The following ZBTB47 variants were observed in gnomAD, a reference collection of about 807,000 sequenced individuals.
ZBTB47 encodes the protein zinc finger and BTB domain containing 47.
Under a neutral mutation model 56.6 loss-of-function variants are expected in ZBTB47, and 24 were observed. The observed-to-expected ratio is 0.42, with a 90% CI of 0.31 to 0.60. The LOEUF is 0.60. Among genes scored for constraint, ZBTB47 ranks in the 20% least tolerant of loss-of-function variants. ZBTB47 has a pLI of 0.14. For missense variants in ZBTB47, 829 were observed against 1,032.6 expected, an observed-to-expected ratio of 0.80 and a Z score of 2.70; for synonymous variants, 414 against 418.9, an observed-to-expected ratio of 0.99 and a Z score of 0.14.
In ZBTB47 at chr3:42,663,848, A is replaced by G; in HGVS notation, c.1789A>G (p.Ile597Val). 1 of 1,613,756 alleles carries G rather than the reference A, an allele frequency of 6.2e-7. No homozygotes were observed. Among genetic ancestry groups the G allele is most frequent in the Non-Finnish European group, 8.5e-7 (1 of 1,179,842 alleles). ...YKYQLRSHMS[I>V]HIGHKQFMCQ... The stretch of plus-strand genomic sequence containing the variant: ...GTACCAGCTGCGGTCACACATGAGC[A>G]TCCACATTGGCCACAAGCAGTTCAT... The change falls in exon 5 of 6, where the codon ATC (isoleucine) becomes GTC (valine). Residue 597 changes from isoleucine (I) to valine (V), a missense_variant. Around this residue, in one of 6 missense-constraint regions of ZBTB47, gnomAD observed 187 missense variants for 253.1 expected, o/e 0.74. Coordinates refer to ENST00000232974, the MANE Select transcript of ZBTB47 (RefSeq NM_145166.4). The surrounding 1 kb of genome is among the most constrained non-coding windows in gnomAD (Gnocchi z 5.1).
chr3:42,659,194 A>G lies in ZBTB47; in HGVS notation c.839A>G (p.Glu280Gly). 1 of 1,525,008 alleles carries G rather than the reference A, an allele frequency of 6.6e-7. No homozygotes were observed. The highest frequency in any genetic ancestry group is 2.4e-5 in the East Asian group (1 of 40,818). The allele number at this position is 1,525,008 out of a possible 1,614,324, so 94.5% of individuals were successfully genotyped here. A position where few individuals can be genotyped will look rare whatever the true frequency, so the allele number is the denominator to read the frequency against. ...DGLQRHSDEE[E>G]EDDEEEEEEE... is the part of the protein sequence containing the mutation. ...CTGCAGAGACACTCGGACGAGGAGGAGGAGGACGACGAGGAGGAGGAGGAG... is the reference window on the plus strand; with the variant it reads ...CTGCAGAGACACTCGGACGAGGAGGGGGAGGACGACGAGGAGGAGGAGGAG... Residue 280 changes from glutamate (E) to glycine (G), a missense_variant, in exon 2 of 6, where the codon GAG becomes GGG. Around this residue, in one of 6 missense-constraint regions of ZBTB47, gnomAD observed 359 missense variants for 359.8 expected, o/e 1.00. Coordinates refer to ENST00000232974, the MANE Select transcript of ZBTB47 (RefSeq NM_145166.4).
chr3:42,654,949 G>T lies in ZBTB47; in HGVS notation c.-82+1066G>T, dbSNP rs13069486. Among the ~76,000 whole-genome samples the T allele has an allele frequency of 1.3e-5, 2 of 152,088 alleles. No individual in the cohort carries two copies. Among genetic ancestry groups the T allele is most frequent in the Admixed American group, 6.5e-5 (1 of 15,280 alleles). On this transcript the variant is annotated intron_variant, in intron 1 of 5. Transcript: ENST00000232974. This position sits in a 1 kb window ranked among gnomAD's most constrained non-coding sequence, Gnocchi z 5.0. ...TGAGGTCTTGCTAGGCACCGGCGAAGGGGGGCGCTCCCCTGCGCCCGGACG... is the reference window on the plus strand; with the variant it reads ...TGAGGTCTTGCTAGGCACCGGCGAATGGGGGCGCTCCCCTGCGCCCGGACG...
upstream of ZBTB47, among the ~76,000 whole-genome samples, chr3:42,653,341 T>A (rs1419514167): frequency 1.3e-5 from 2 of 152,214 alleles, no homozygotes; most frequent in Non-Finnish European, 2.9e-5. Context: ...CAGGAGATAC[T>A]GCTGCAGCTG....
chr3:42,664,475 G>T lies in ZBTB47; in HGVS notation c.2121G>T (p.Ala707=), dbSNP rs747609288. ...GCCTGCCCCCAACCCAGCCCCAGGCGCACGCACTGCCCCTGCTCCCGGGGC... is the reference window on the plus strand; with the variant it reads ...GCCTGCCCCCAACCCAGCCCCAGGCTCACGCACTGCCCCTGCTCCCGGGGC... ...APGLPPTQPQ[A]HALPLLPGLP... Residue 707 remains alanine, a synonymous_variant, in exon 6 of 6, where the codon GCG becomes GCT. Transcript: ENST00000232974. 31 of 1,510,750 alleles carry T rather than the reference G, an allele frequency of 2.1e-5. No homozygotes were observed. Among genetic ancestry groups the T allele is most frequent in the African/African-American group, 5.5e-5 (4 of 72,094 alleles). The allele number at this position is 1,510,750 out of a possible 1,614,324, so 93.6% of individuals were successfully genotyped here. A position where few individuals can be genotyped will look rare whatever the true frequency, so the allele number is the denominator to read the frequency against.
chr3:42,659,411 G>A lies in ZBTB47; in HGVS notation c.1056G>A (p.Glu352=). The A allele has an allele frequency of 4.9e-6, 7 of 1,441,696 alleles. No individual in the cohort carries two copies. The highest frequency in any genetic ancestry group is 6.3e-6 in the Non-Finnish European group (7 of 1,103,020). The allele number at this position is 1,441,696 out of a possible 1,614,324, so 89.3% of individuals were successfully genotyped here. The change falls in exon 2 of 6, where the codon GAG becomes GAA. Residue 352 remains glutamate (E), a synonymous_variant. Coordinates refer to ENST00000232974, the MANE Select transcript of ZBTB47 (RefSeq NM_145166.4). The part of the protein sequence containing the change: ...QESSEEEEGE[E]GEAGGKQGPR... ...GCTCTGAGGAGGAGGAGGGGGAGGA[G>A]GGGGAGGCTGGGGGCAAGCAGGGGC...
Position 42,663,835 on chromosome 3 carries a change from G to A in ZBTB47, c.1776G>A (p.Arg592=), listed in dbSNP as rs1710749973. The change falls in exon 5 of 6, where the codon CGG becomes CGA. Residue 592 remains arginine, a synonymous_variant. Coordinates refer to ENST00000232974, the MANE Select transcript of ZBTB47 (RefSeq NM_145166.4). This position sits in a 1 kb window ranked among gnomAD's most constrained non-coding sequence, Gnocchi z 5.1. ...GCTTCCAGTACAAGTACCAGCTGCG[G>A]TCACACATGAGCATCCACATTGGCC... is the stretch of plus-strand genomic sequence containing the variant. ...NERFQYKYQL[R]SHMSIHIGHK... 1.1e-5 allele frequency: 17 copies of A among 1,613,644 alleles called. No individual in the cohort carries two copies. Among genetic ancestry groups the A allele is most frequent in the Non-Finnish European group, 1.4e-5 (17 of 1,179,824 alleles).
chr3:42,659,978 C>A (rs1475927575), intron 2 of ZBTB47, 150 bp downstream of exon 2: 1 of 1,223,516 alleles, frequency 8.2e-7, no homozygotes, highest in African/African-American at 1.5e-5. Context: ...GGCCCAGGCC[C>A]AGTTCTCAGG....
intron 5 of ZBTB47, 60 bp from the exon 6 acceptor site, chr3:42,664,177 C>T (rs1411620434): frequency 4.4e-6 from 7 of 1,591,010 alleles, no homozygotes; most frequent in Non-Finnish European, 6.0e-6. Context: ...CGGAGGCTGG[C>T]CCCAGACTGG....
Position 42,659,518 on chromosome 3 carries a change from G to T in ZBTB47, c.1163G>T (p.Arg388Leu). Residue 388 changes from arginine to leucine, a missense_variant, in exon 2 of 6, where the codon CGG becomes CTG. By Grantham distance (102) the Arg-to-Leu change is moderately radical. Coordinates refer to ENST00000232974, the MANE Select transcript of ZBTB47 (RefSeq NM_145166.4). The part of the protein sequence containing the change: ...ATRSRENARR[R>L]GTPEPEEAGR... ...CGGTCCCGGGAGAACGCCCGGCGCC[G>T]GGGTACCCCTGAACCTGAAGAAGCT... The T allele has an allele frequency of 6.5e-7, 1 of 1,546,050 alleles. No individual in the cohort carries two copies. Among genetic ancestry groups the T allele is most frequent in the Admixed American group, 2.0e-5 (1 of 49,996 alleles).
chr3:42,660,250 A>G (rs1559607503), intron 2 of ZBTB47, among the ~76,000 whole-genome samples: 1 of 152,224 alleles, frequency 6.6e-6, no homozygotes, highest in Non-Finnish European at 1.5e-5. Flanking sequence ...GCCACTGTGT[A>G]TAGTTTCACA....
rs916481339 is a variant in ZBTB47 at position 42,654,998 on chromosome 3, G to A, written c.-82+1115G>A. 2.0e-5 allele frequency among the ~76,000 whole-genome samples: 3 copies of A among 152,152 alleles called. No individual in the cohort carries two copies. Among genetic ancestry groups the A allele is most frequent in the Non-Finnish European group, 2.9e-5 (2 of 68,006 alleles). On this transcript the variant is annotated intron_variant, in intron 1 of 5. Coordinates refer to ENST00000232974, the MANE Select transcript of ZBTB47 (RefSeq NM_145166.4). This position sits in a 1 kb window ranked among gnomAD's most constrained non-coding sequence, Gnocchi z 5.0. ...CGGCGCCGCCCTCGGGCTGGGTAAT[G>A]GGGGGAAGAGGGAGTCGGATTCCCG...
rs777420659 is a variant in ZBTB47 at position 42,663,161 on chromosome 3, G to T, written c.1737+34G>T. 4.2e-5 allele frequency: 63 copies of T among 1,517,328 alleles called. No homozygotes were observed. The Middle Eastern group carries it at 5.1e-4, about 12-fold the overall frequency. The allele number at this position is 1,517,328 out of a possible 1,614,324, so 94.0% of individuals were successfully genotyped here. ...CCATCTCCTGCCTGGCCTGCCCGAG[G>T]GGTCACCTGGGAGGGGCAGGAATCA... On this transcript the variant is annotated intron_variant, in intron 4 of 5. Coordinates refer to ENST00000232974, the MANE Select transcript of ZBTB47 (RefSeq NM_145166.4). The surrounding 1 kb of genome is among the most constrained non-coding windows in gnomAD (Gnocchi z 5.1).
chr3:42,666,674 C>G lies in ZBTB47; in HGVS notation c.*2076C>G, dbSNP rs1710793274. On this transcript the variant is annotated 3_prime_UTR_variant, in exon 6 of 6. Transcript: ENST00000232974. Reference sequence around the variant, plus strand: ...CTGGCCCCACTACAGCCTGAGTAGGCCTGAGTGGCCGTGGCCAGGCTGAGA... The same window carrying G: ...CTGGCCCCACTACAGCCTGAGTAGGGCTGAGTGGCCGTGGCCAGGCTGAGA... Among the ~76,000 whole-genome samples the G allele has an allele frequency of 6.6e-6, 1 of 152,214 alleles. No homozygotes were observed. Among genetic ancestry groups the G allele is most frequent in the African/African-American group, 2.4e-5 (1 of 41,456 alleles).
At position 42,659,258 on chromosome 3, in the gene ZBTB47, G is replaced by A; in HGVS notation, c.903G>A (p.Glu301=). 1 of 1,519,530 alleles carries A rather than the reference G, an allele frequency of 6.6e-7. No homozygotes were observed. The highest frequency in any genetic ancestry group is 8.8e-7 in the Non-Finnish European group (1 of 1,133,532). The allele number at this position is 1,519,530 out of a possible 1,614,324, so 94.1% of individuals were successfully genotyped here. A position where few individuals can be genotyped will look rare whatever the true frequency, so the allele number is the denominator to read the frequency against. The change falls in exon 2 of 6, where the codon GAG becomes GAA. Residue 301 remains glutamate (E), a synonymous_variant. Transcript: ENST00000232974. ...AGGAAGGTGGTGGCAGTGGACGGGA[G>A]GAGGAGGAGGAGGAAGAGGGTGGCA... is the stretch of plus-strand genomic sequence containing the variant. ...EEEEGGGSGR[E]EEEEEEGGSQ... is the part of the protein sequence containing the mutation.
Position 42,663,213 on chromosome 3 carries a change from G to A in ZBTB47, c.1737+86G>A, listed in dbSNP as rs1462178817. On this transcript the variant is annotated intron_variant, in intron 4 of 5. Transcript: ENST00000232974. The surrounding 1 kb of genome is among the most constrained non-coding windows in gnomAD (Gnocchi z 5.1). ...GGAGCGCAGCTGCTGAAAAACAAAG[G>A]GCTAGGGGGTGGAATGTAGTGTCCA... The A allele has an allele frequency of 9.8e-7, 1 of 1,016,358 alleles. No homozygotes were observed. Among genetic ancestry groups the A allele is most frequent in the South Asian group, 1.3e-5 (1 of 76,116 alleles). 63.0% of individuals were successfully genotyped at this position (1,016,358 alleles called of 1,614,324 possible). A position where few individuals can be genotyped will look rare whatever the true frequency, so the allele number is the denominator to read the frequency against.
chr3:42,653,061 T>A (rs975712994), upstream of ZBTB47, among the ~76,000 whole-genome samples: 6 of 152,214 alleles, frequency 3.9e-5, 1 homozygote, highest in Non-Finnish European at 8.8e-5. Context: ...CTGCAGCAGC[T>A]GCCAGGGGCT....
At position 42,667,140 on chromosome 3, in the gene ZBTB47, G is replaced by T. The variant is rs2290976; in HGVS notation, c.*2542G>T. Among the ~76,000 whole-genome samples the T allele has an allele frequency of 1.3e-5, 2 of 152,306 alleles. No homozygotes were observed. The highest frequency in any genetic ancestry group is 3.9e-4 in the East Asian group (2 of 5,184). ...GTGCCCCCAGATGTCAGAATGAGGC[G>T]ACTAGGGCACCATACTCACTTTCCA... On this transcript the variant is annotated 3_prime_UTR_variant, in exon 6 of 6. Coordinates refer to ENST00000232974, the MANE Select transcript of ZBTB47 (RefSeq NM_145166.4).
At chr3:42,662,911 G>A (rs960367876) in intron 3 of ZBTB47, 101 bp from the exon 4 acceptor site, 17 of 778,528 alleles carry the variant, frequency 2.2e-5, no homozygotes, top group Non-Finnish European at 3.6e-5. Context: ...CCCAGAGAAG[G>A]GTGGTGGCAC....
In ZBTB47 at chr3:42,663,371, T is replaced by C. The variant is rs1474348886; in HGVS notation, c.1737+244T>C. Among the ~76,000 whole-genome samples the C allele has an allele frequency of 1.3e-5, 2 of 151,358 alleles. No homozygotes were observed. The highest frequency in any genetic ancestry group is 1.9e-4 in the East Asian group (1 of 5,136). On this transcript the variant is annotated intron_variant, in intron 4 of 5. Transcript: ENST00000232974. The surrounding 1 kb of genome is among the most constrained non-coding windows in gnomAD (Gnocchi z 5.1). ...AGCCCCACACACTCAGGGTGGGAAGTGTGTGTGGGCTACAGCCCTAGGAGC... is the reference window on the plus strand; with the variant it reads ...AGCCCCACACACTCAGGGTGGGAAGCGTGTGTGGGCTACAGCCCTAGGAGC...
Sources: gnomAD v4.1 joint callset for allele counts (sites outside exome capture counted in the v4.1 genomes callset) on GRCh38, gnomAD v4.1.1 for gene constraint, gnomAD v4.1.1 regional missense constraint, Gnocchi (gnomAD v3.1) non-coding constraint, MANE v1.5 for transcripts, NCBI Gene and HGNC (gene_info 2026-07-23, HGNC 2026-07-21) for gene names.